PHLPP1: variants seen among roughly 807,000 people sequenced by gnomAD.
PHLPP1 encodes the protein PH domain leucine-rich repeat-containing protein phosphatase 1.
PHLPP1 carries 42 observed loss-of-function variants against 117.2 expected under a neutral mutation model. The ratio of observed to expected loss-of-function variants is 0.36; its 90% CI spans 0.28 to 0.46. PHLPP1 has a LOEUF of 0.46. Ranked by LOEUF, PHLPP1 falls within the 20% of genes least tolerant of loss-of-function variation. The pLI is 1.00. For missense variants in PHLPP1, 2,084 were observed against 2,241.9 expected (o/e 0.93, Z 1.42); for synonymous variants, 1,042 against 970.7 (o/e 1.07, Z -1.37).
intron 1 of PHLPP1, among the ~76,000 whole-genome samples, chr18:62,786,750 G>T (rs1416344983): frequency 6.6e-6 from 1 of 152,146 alleles, no homozygotes; most frequent in African/African-American, 2.4e-5. Context: ...TTGGTAAAAG[G>T]TTCACAGTCT....
intron 14 of PHLPP1, 110 bp downstream of exon 14, chr18:62,963,582 T>C: frequency 1.4e-6 from 1 of 701,750 alleles, no homozygotes; most frequent in Non-Finnish European, 2.4e-6. Context: ...ATGTAAAATT[T>C]CTTTGAGTAT....
Position 62,945,099 on chromosome 18 carries a change from C to T in PHLPP1, c.3162-10C>T. 6.4e-7 allele frequency: 1 copy of T among 1,557,660 alleles called. No homozygotes were observed. ...TTTCTTTTAAATTGCTTTATTTTCTCTTTTTTTAGTAAAATGGCGAAACTG... is the reference window on the plus strand; with the variant it reads ...TTTCTTTTAAATTGCTTTATTTTCTTTTTTTTTAGTAAAATGGCGAAACTG... On this transcript the variant is annotated splice_polypyrimidine_tract_variant and intron_variant, in intron 11 of 16. Transcript: ENST00000262719.
At chr18:62,732,392 AC>A (rs1453119394) in intron 1 of PHLPP1, among the ~76,000 whole-genome samples, 7 of 152,164 alleles carry the variant, frequency 4.6e-5, no homozygotes, top group African/African-American at 1.7e-4. Context: ...ATTACAGCAC[AC>A]CTGTTTGTAG....
Position 62,978,381 on chromosome 18 carries a change from C to A in PHLPP1, c.4104C>A (p.Phe1368Leu). ...TGCTCCTGACTCCCCAGGATGAGTT[C>A]TTCATCCTAGGCAGTAAGGGGTTGT... The part of the protein sequence containing the change: ...QSVLLTPQDE[F>L]FILGSKGLWD... The change falls in exon 17 of 17, where the codon TTC (phenylalanine) becomes TTA (leucine). Residue 1368 changes from phenylalanine (F) to leucine (L), a missense_variant. Physicochemically the swap from Phe to Leu is conservative, Grantham distance 22. Coordinates refer to ENST00000262719, the MANE Select transcript of PHLPP1 (RefSeq NM_194449.4). This position sits in a 1 kb window ranked among gnomAD's most constrained non-coding sequence, Gnocchi z 7.0. 1 of 1,610,818 alleles carries A rather than the reference C, an allele frequency of 6.2e-7. No homozygotes were observed. The highest frequency in any genetic ancestry group is 8.5e-7 in the Non-Finnish European group (1 of 1,177,616).
chr18:62,974,313 G>A (rs767554477), intron 15 of PHLPP1, among the ~76,000 whole-genome samples: 1 of 152,196 alleles, frequency 6.6e-6, no homozygotes, highest in Non-Finnish European at 1.5e-5. Flanking sequence ...TCTGTTAAGA[G>A]GGTACGGGTT....
intron 10 of PHLPP1, among the ~76,000 whole-genome samples, chr18:62,930,428 T>C (rs1259407600): frequency 1.3e-5 from 2 of 151,612 alleles, no homozygotes; most frequent in Non-Finnish European, 2.9e-5. Context: ...GTTGCTATTC[T>C]TGTATCAGAT....
chr18:62,728,725 T>G (rs748459688), intron 1 of PHLPP1, among the ~76,000 whole-genome samples: 2 of 152,092 alleles, frequency 1.3e-5, no homozygotes, highest in Non-Finnish European at 2.9e-5. Flanking sequence ...GCCAGGCTGG[T>G]CTCAAACTCC....
intron 10 of PHLPP1, among the ~76,000 whole-genome samples, chr18:62,938,599 G>A (rs1382300205): frequency 6.6e-6 from 1 of 152,152 alleles, no homozygotes; most frequent in Non-Finnish European, 1.5e-5. Flanking sequence ...CAGACTTTAT[G>A]CAGTTCAGAT....
At chr18:62,947,365 A>G (rs1910327295) in intron 12 of PHLPP1, among the ~76,000 whole-genome samples, 1 of 152,240 alleles carries the variant, frequency 6.6e-6, no homozygotes, top group Non-Finnish European at 1.5e-5. Context: ...TTCATATGTG[A>G]TGTTGATTAT....
At chr18:62,773,224 T>C (rs550809282) in intron 1 of PHLPP1, among the ~76,000 whole-genome samples, 1 of 152,354 alleles carries the variant, frequency 6.6e-6, no homozygotes, top group East Asian at 1.9e-4. Context: ...CTTAATTTTT[T>C]TCTTTTTAAC....
intron 3 of PHLPP1, among the ~76,000 whole-genome samples, chr18:62,845,556 A>G (rs569475345): frequency 5.9e-5 from 9 of 152,322 alleles, no homozygotes; most frequent in African/African-American, 2.2e-4. Flanking sequence ...TAATCAATTG[A>G]GTCAAATCAT....
At chr18:62,772,055 G>A (rs1912799368) in intron 1 of PHLPP1, among the ~76,000 whole-genome samples, 1 of 152,156 alleles carries the variant, frequency 6.6e-6, no homozygotes, top group African/African-American at 2.4e-5. Context: ...GCTGTCATCT[G>A]TCTCTTTGCA....
At chr18:62,915,086 G>A (rs1909226610) in intron 9 of PHLPP1, 78 bp downstream of exon 9, 1 of 1,003,322 alleles carries the variant, frequency 1.0e-6, no homozygotes, top group Non-Finnish European at 1.5e-6. Flanking sequence ...TGTTTAACTT[G>A]GTATCATAAG....
intron 1 of PHLPP1, among the ~76,000 whole-genome samples, chr18:62,754,092 G>A (rs1339699381): frequency 2.0e-5 from 3 of 152,206 alleles, no homozygotes; most frequent in Non-Finnish European, 4.4e-5. Context: ...CTTCTGAACT[G>A]CTTTACCATC....
At chr18:62,791,295 G>T (rs1913449770) in intron 1 of PHLPP1, among the ~76,000 whole-genome samples, 1 of 152,258 alleles carries the variant, frequency 6.6e-6, no homozygotes, top group South Asian at 2.1e-4. Flanking sequence ...GGTGGGAGCA[G>T]AAGCAGAGGC....
At chr18:62,766,102 T>TATAA (rs1491446982) in intron 1 of PHLPP1, among the ~76,000 whole-genome samples, 4 of 60,700 alleles carry the variant, frequency 6.6e-5, no homozygotes, top group African/African-American at 1.6e-4. Flanking sequence ...TATATATATA[T>TATAA]AAAATATATA....
At chr18:62,853,631 A>C (rs906794821) in intron 3 of PHLPP1, among the ~76,000 whole-genome samples, 1 of 152,180 alleles carries the variant, frequency 6.6e-6, no homozygotes, top group Non-Finnish European at 1.5e-5. Flanking sequence ...CGGCCCCACA[A>C]AGTGCTGGGA....
At chr18:62,744,845 A>G (rs1311394105) in intron 1 of PHLPP1, among the ~76,000 whole-genome samples, 2 of 152,358 alleles carry the variant, frequency 1.3e-5, no homozygotes, top group East Asian at 3.9e-4. Context: ...TAGCTTAGAC[A>G]TTAGTCACAT....
At chr18:62,735,198 C>T (rs1353550261) in intron 1 of PHLPP1, among the ~76,000 whole-genome samples, 4 of 151,934 alleles carry the variant, frequency 2.6e-5, no homozygotes, top group African/African-American at 9.7e-5. Context: ...GTGCATGCCA[C>T]CTGTAATTTG....
Sources: allele counts gnomAD v4.1 joint callset (sites outside exome capture counted in the v4.1 genomes callset), GRCh38; gene constraint gnomAD v4.1.1; non-coding constraint Gnocchi (gnomAD v3.1); transcripts MANE v1.5; gene names NCBI Gene and HGNC (gene_info 2026-07-23, HGNC 2026-07-21).